The following ADAM10 variants were observed in gnomAD, a reference collection of about 807,000 sequenced individuals.
ADAM10 encodes the protein ADAM metallopeptidase domain 10.
A neutral mutation model predicts 90.1 loss-of-function variants in ADAM10; 17 were observed. The observed-to-expected ratio is 0.19, with a 90% confidence interval of 0.13 to 0.28. The LOEUF (loss-of-function observed/expected upper bound fraction) is 0.28, where lower values mean the gene tolerates loss of function less well. ADAM10 is among the 10% of genes least tolerant of loss of function. The probability of loss-of-function intolerance (pLI) is 1.00; values close to 1 mark genes in which losing one functional copy is unlikely to be tolerated. For missense variants in ADAM10, 610 were observed against 914.3 expected (o/e 0.67, Z 4.29); for synonymous variants, 310 against 298.6 (o/e 1.04, Z -0.40).
At chr15:58,630,225 T>A (rs1283552162) in intron 9 of ADAM10, among the ~76,000 whole-genome samples, 1 of 152,178 alleles carries the variant, frequency 6.6e-6, no homozygotes, top group African/African-American at 2.4e-5. Flanking sequence ...GTATTATAAA[T>A]AAAACTATGA....
At chr15:58,621,673 A>G in intron 10 of ADAM10, 52 bp from the exon 11 acceptor site, 1 of 1,605,062 alleles carries the variant, frequency 6.2e-7, no homozygotes, top group Non-Finnish European at 8.5e-7. Context: ...CATTAATTTT[A>G]TTTAAAATTC....
chr15:58,597,185 T>A lies in ADAM10; in HGVS notation c.*362A>T, dbSNP rs1193555566. 1.7e-6 allele frequency: 1 copy of A among 578,224 alleles called. No homozygotes were observed. The highest frequency in any genetic ancestry group is 3.0e-6 in the Non-Finnish European group (1 of 337,302). 35.8% of individuals were successfully genotyped at this position (578,224 alleles called of 1,614,324 possible). A position where few individuals can be genotyped will look rare whatever the true frequency, so the allele number is the denominator to read the frequency against. On this transcript the variant is annotated 3_prime_UTR_variant, in exon 16 of 16. Transcript: ENST00000260408. ...TGATTGGCAGTTGAAAAAAATATAT[T>A]TATTTCAATTTGTGGTAAAAGTTTA...
intron 8 of ADAM10, among the ~76,000 whole-genome samples, chr15:58,635,738 C>T (rs1323957702): frequency 6.6e-6 from 1 of 151,384 alleles, no homozygotes; most frequent in Non-Finnish European, 1.5e-5. Context: ...CAATGCAGTA[C>T]TGTCAAACTT....
intron 2 of ADAM10, among the ~76,000 whole-genome samples, chr15:58,703,275 CA>C (rs1407257449): frequency 2.9e-4 from 26 of 90,598 alleles, no homozygotes; most frequent in Non-Finnish European, 5.7e-4. Context: ...TCCAGGAAAA[CA>C]ATTTGGTATT....
At chr15:58,746,507 C>T (rs1899797205) in intron 1 of ADAM10, among the ~76,000 whole-genome samples, 2 of 152,142 alleles carry the variant, frequency 1.3e-5, no homozygotes, top group African/African-American at 4.8e-5. Context: ...AAATGGGCAC[C>T]ATCAGGAAAG....
chr15:58,726,567 CAAAAAAAA>C (rs71116593), intron 1 of ADAM10, among the ~76,000 whole-genome samples: 23 of 20,780 alleles, frequency 1.1e-3, no homozygotes, highest in African/African-American at 3.9e-3. Flanking sequence ...CTCAGTCTCC[CAAAAAAAA>C]AAAAAAAAAA....
chr15:58,738,165 G>T (rs1899491286), intron 1 of ADAM10, among the ~76,000 whole-genome samples: 1 of 152,190 alleles, frequency 6.6e-6, no homozygotes, highest in African/African-American at 2.4e-5. Flanking sequence ...ATTTCAAAAT[G>T]AGGTACCAAC....
intron 1 of ADAM10, among the ~76,000 whole-genome samples, chr15:58,727,976 G>A (rs1303528324): frequency 6.6e-6 from 1 of 152,018 alleles, no homozygotes; most frequent in East Asian, 1.9e-4. Flanking sequence ...TGAACAAGCA[G>A]ACAAAAAAAT....
intron 2 of ADAM10, among the ~76,000 whole-genome samples, chr15:58,711,973 A>G (rs1898488224): frequency 6.6e-6 from 1 of 152,166 alleles, no homozygotes; most frequent in Non-Finnish European, 1.5e-5. Flanking sequence ...GACAGGTGCA[A>G]ACAAAAGGCA....
intron 4 of ADAM10, among the ~76,000 whole-genome samples, chr15:58,677,024 T>C (rs1423667893): frequency 6.6e-6 from 1 of 152,166 alleles, no homozygotes; most frequent in Non-Finnish European, 1.5e-5. Flanking sequence ...ATAGCAACTA[T>C]TTAGAATAAA....
intron 2 of ADAM10, among the ~76,000 whole-genome samples, chr15:58,688,766 T>TTATTTATATATATATA (rs1897682436): frequency 8.2e-6 from 1 of 121,896 alleles, no homozygotes. Flanking sequence ...AAAAAAAAAA[T>TTATTTATATATATATA]TATATATATA....
At chr15:58,637,905 TAATC>T (rs1449223865) in intron 8 of ADAM10, among the ~76,000 whole-genome samples, 1 of 151,706 alleles carries the variant, frequency 6.6e-6, no homozygotes, top group African/African-American at 2.4e-5. Context: ...GGTATTGAAA[TAATC>T]AAGAATAAAT....
chr15:58,731,375 T>C lies in ADAM10; in HGVS notation c.56-13648A>G, dbSNP rs1048136914. Among the ~76,000 whole-genome samples the C allele has an allele frequency of 2.6e-5, 4 of 152,020 alleles. 1 individual carries two copies. The highest frequency in any genetic ancestry group is 2.6e-4 in the Admixed American group (4 of 15,264). On this transcript the variant is annotated intron_variant, in intron 1 of 15. Transcript: ENST00000260408. The stretch of plus-strand genomic sequence containing the variant: ...GGCTCACACCTGTAATCCTAACACT[T>C]TGGGGGGCCGAGGCGGGCAGATCGC...
chr15:58,655,764 T>G (rs1202846609), intron 5 of ADAM10, among the ~76,000 whole-genome samples: 2 of 91,372 alleles, frequency 2.2e-5, no homozygotes, highest in African/African-American at 5.9e-5. Flanking sequence ...TTTTTTTTTT[T>G]GAAACAGAGT....
At chr15:58,730,173 A>G (rs1470573519) in intron 1 of ADAM10, among the ~76,000 whole-genome samples, 1 of 152,206 alleles carries the variant, frequency 6.6e-6, no homozygotes, top group African/African-American at 2.4e-5. Flanking sequence ...ACTTGCTTTA[A>G]TGTAAGCATT....
At position 58,595,706 on chromosome 15, in the gene ADAM10, CA is replaced by C. The variant is rs1240132848; in HGVS notation, c.*1840del. ...CTGCCAAAATCCTACCACAGGATAA[CA>C]TTACAAGCAAAAAATTTACATGTTC... On this transcript the variant is annotated 3_prime_UTR_variant, in exon 16 of 16. Transcript: ENST00000260408. 5 of 152,074 alleles carry C rather than the reference CA, an allele frequency of 3.3e-5. No homozygotes were observed. Among genetic ancestry groups the C allele is most frequent in the African/African-American group, 1.2e-4 (5 of 41,434 alleles). The allele number at this position is 152,074 out of a possible 1,614,324, so 9.4% of individuals were successfully genotyped here.
chr15:58,656,638 T>C (rs1467453835), intron 5 of ADAM10, among the ~76,000 whole-genome samples: 5 of 152,200 alleles, frequency 3.3e-5, no homozygotes, highest in African/African-American at 4.8e-5. Flanking sequence ...TTTTTAACTT[T>C]GTTTCTATTC....
In ADAM10 at chr15:58,627,791, A is replaced by G; in HGVS notation, c.1269T>C (p.Ser423=). Residue 423 remains serine (S), a synonymous_variant, in exon 10 of 16, where the codon TCT becomes TCC. Transcript: ENST00000260408. ...ATTTATTGTTGTTAAGTTTGTCCCCAGATGTTGCTCTTGCATACATGATGT... is the reference window on the plus strand; with the variant it reads ...ATTTATTGTTGTTAAGTTTGTCCCCGGATGTTGCTCTTGCATACATGATGT... ...GNYIMYARAT[S]GDKLNNNKFS... is the part of the protein sequence containing the mutation. The G allele has an allele frequency of 6.2e-7, 1 of 1,613,684 alleles. No individual in the cohort carries two copies.
chr15:58,624,571 G>A (rs573351898), intron 10 of ADAM10, among the ~76,000 whole-genome samples: 1 of 152,134 alleles, frequency 6.6e-6, no homozygotes, highest in Admixed American at 6.5e-5. Context: ...TCGCTCTGTT[G>A]CCCAGGTTAA....
Sources: gnomAD v4.1 joint callset for allele counts (sites outside exome capture counted in the v4.1 genomes callset) on GRCh38, gnomAD v4.1.1 for gene constraint, MANE v1.5 for transcripts, NCBI Gene and HGNC (gene_info 2026-07-23, HGNC 2026-07-21) for gene names.